The following PPP2R5E variants were observed in gnomAD, a reference collection of about 807,000 sequenced individuals.
The protein encoded by PPP2R5E is serine/threonine-protein phosphatase 2A 56 kDa regulatory subunit epsilon isoform.
Under a neutral mutation model 65.3 loss-of-function variants are expected in PPP2R5E, and 4 were observed. That is an observed-to-expected ratio of 0.06 (90% confidence interval 0.03 to 0.14). The LOEUF is 0.14. PPP2R5E is among the 10% of genes least tolerant of loss of function. The pLI is 1.00. For synonymous variants in PPP2R5E, 183 were observed against 187.4 expected, an observed-to-expected ratio of 0.98 and a Z score of 0.19; for missense variants, 274 against 556.1, an observed-to-expected ratio of 0.49 and a Z score of 5.10.
chr14:63,377,073 T>TGGTGGACGGAGATTGC (rs1884029140), intron 13 of PPP2R5E, among the ~76,000 whole-genome samples: 1 of 151,258 alleles, frequency 6.6e-6, no homozygotes, highest in Admixed American at 6.6e-5. Flanking sequence ...GCGGAGATTG[T>TGGTGGACGGAGATTGC]GGTGGACGGA....
At chr14:63,522,826 C>T (rs1892997083) in intron 2 of PPP2R5E, among the ~76,000 whole-genome samples, 2 of 151,024 alleles carry the variant, frequency 1.3e-5, no homozygotes, top group Admixed American at 6.6e-5. Flanking sequence ...GGTCACCCAC[C>T]GCCAGGCCAG....
At chr14:63,535,487 AAC>A (rs1893632099) in intron 2 of PPP2R5E, among the ~76,000 whole-genome samples, 1 of 152,188 alleles carries the variant, frequency 6.6e-6, no homozygotes, top group Non-Finnish European at 1.5e-5. Flanking sequence ...TTTGCAAGTG[AAC>A]AGACTTTAAA....
At chr14:63,415,339 A>G (rs1246981090) in intron 4 of PPP2R5E, 107 bp from the exon 5 acceptor site, 3 of 659,800 alleles carry the variant, frequency 4.5e-6, no homozygotes, top group African/African-American at 3.8e-5. Flanking sequence ...TAGAAAATTG[A>G]TTTTAATATC....
chr14:63,392,299 C>T (rs1885069279), intron 8 of PPP2R5E, among the ~76,000 whole-genome samples: 2 of 152,182 alleles, frequency 1.3e-5, no homozygotes, highest in Admixed American at 1.3e-4. Context: ...GGTGAGACAT[C>T]ACATTCAGCA....
At chr14:63,457,695 A>G (rs58688798) in intron 2 of PPP2R5E, among the ~76,000 whole-genome samples, 3,030 of 152,274 alleles carry the variant, frequency 0.02, 82 homozygotes, top group African/African-American at 0.064. Flanking sequence ...GGCCATAAAT[A>G]ATGAGCAATC....
intron 2 of PPP2R5E, among the ~76,000 whole-genome samples, chr14:63,534,511 C>T (rs1285355535): frequency 6.6e-6 from 1 of 152,030 alleles, no homozygotes; most frequent in Non-Finnish European, 1.5e-5. Context: ...TGACCCGCCC[C>T]CTGTCGGCCT....
intron 3 of PPP2R5E, among the ~76,000 whole-genome samples, chr14:63,430,369 A>ATGCATG (rs1887581327): frequency 1.5e-5 from 2 of 135,038 alleles, no homozygotes; most frequent in Admixed American, 1.5e-4. Flanking sequence ...ATACATACAT[A>ATGCATG]CATGCATGCA....
intron 2 of PPP2R5E, among the ~76,000 whole-genome samples, chr14:63,469,485 G>A (rs569140828): frequency 6.6e-6 from 1 of 152,314 alleles, no homozygotes; most frequent in Admixed American, 6.5e-5. Context: ...GAGGTCAGGA[G>A]ATCAAGACCA....
chr14:63,478,053 T>C (rs893689989), intron 2 of PPP2R5E, among the ~76,000 whole-genome samples: 12 of 152,164 alleles, frequency 7.9e-5, no homozygotes, highest in Non-Finnish European at 1.6e-4. Flanking sequence ...ATAGCTTCAG[T>C]TAATACTTGG....
chr14:63,433,847 C>T (rs74879363), intron 3 of PPP2R5E, among the ~76,000 whole-genome samples: 2,912 of 152,238 alleles, frequency 0.019, 64 homozygotes, highest in East Asian at 0.11. Context: ...TGAAGTTCCT[C>T]GGAGTTGTGC....
intron 3 of PPP2R5E, among the ~76,000 whole-genome samples, chr14:63,424,763 A>G (rs1417491145): frequency 1.3e-5 from 2 of 152,032 alleles, no homozygotes; most frequent in Non-Finnish European, 2.9e-5. Context: ...AAAAAAAAAA[A>G]AAGACAGAAA....
At chr14:63,471,910 GC>G (rs1353184463) in intron 2 of PPP2R5E, among the ~76,000 whole-genome samples, 1 of 152,186 alleles carries the variant, frequency 6.6e-6, no homozygotes, top group Non-Finnish European at 1.5e-5. Context: ...AGGAAGACAA[GC>G]ATTCTGTCAT....
chr14:63,445,949 T>C (rs1888454448), intron 3 of PPP2R5E, among the ~76,000 whole-genome samples: 1 of 152,194 alleles, frequency 6.6e-6, no homozygotes, highest in Non-Finnish European at 1.5e-5. Flanking sequence ...TTATCCACAA[T>C]GGAACTTCTT....
chr14:63,449,149 C>T lies in PPP2R5E; in HGVS notation c.354+4540G>A, dbSNP rs545847476. On this transcript the variant is annotated intron_variant, in intron 3 of 13. Coordinates refer to ENST00000337537, the MANE Select transcript of PPP2R5E (RefSeq NM_006246.5). ...ATTAGTATTTCATAAAAAACACTAT[C>T]ATTTCCCTCACTAATTCTGGTGAAG... 7.9e-5 allele frequency among the ~76,000 whole-genome samples: 12 copies of T among 152,298 alleles called. 1 individual carries two copies. In the South Asian group the frequency reaches 1.9e-3, roughly 24 times the overall value.
intron 2 of PPP2R5E, among the ~76,000 whole-genome samples, chr14:63,528,834 T>C (rs1893292225): frequency 6.6e-6 from 1 of 152,178 alleles, no homozygotes; most frequent in African/African-American, 2.4e-5. Context: ...CTAAGAAATA[T>C]TTATTGAATG....
chr14:63,375,961 A>T lies in PPP2R5E; in HGVS notation c.*48T>A, dbSNP rs767567924. 1 of 1,332,740 alleles carries T rather than the reference A, an allele frequency of 7.5e-7. No homozygotes were observed. Among genetic ancestry groups the T allele is most frequent in the Non-Finnish European group, 1.1e-6 (1 of 934,032 alleles). 82.6% of individuals were successfully genotyped at this position (1,332,740 alleles called of 1,614,324 possible). A position where few individuals can be genotyped will look rare whatever the true frequency, so the allele number is the denominator to read the frequency against. ...AAACTGTTGCTCCATCTTCTACTAC[A>T]TAAACGTGTGACTCCACAGGTTAGT... On this transcript the variant is annotated 3_prime_UTR_variant, in exon 14 of 14. Coordinates refer to ENST00000337537, the MANE Select transcript of PPP2R5E (RefSeq NM_006246.5).
chr14:63,487,528 C>G (rs1208787288), intron 2 of PPP2R5E, among the ~76,000 whole-genome samples: 3 of 152,058 alleles, frequency 2.0e-5, no homozygotes, highest in African/African-American at 7.2e-5. Flanking sequence ...TCAATGCCAA[C>G]GATGTAGGCA....
At chr14:63,388,761 A>C (rs1413062103) in intron 11 of PPP2R5E, among the ~76,000 whole-genome samples, 1 of 152,222 alleles carries the variant, frequency 6.6e-6, no homozygotes, top group Non-Finnish European at 1.5e-5. Context: ...CATAGTTGAC[A>C]GCTTAGGGAA....
At chr14:63,413,959 C>A (rs2139857844) in intron 5 of PPP2R5E, among the ~76,000 whole-genome samples, 1 of 152,284 alleles carries the variant, frequency 6.6e-6, no homozygotes, top group Admixed American at 6.5e-5. Context: ...TACTAATGAG[C>A]CGCACAGGCA....
Sources: allele counts gnomAD v4.1 joint callset (sites outside exome capture counted in the v4.1 genomes callset), GRCh38; gene constraint gnomAD v4.1.1; transcripts MANE v1.5; gene names NCBI Gene and HGNC (gene_info 2026-07-23, HGNC 2026-07-21).